PAWR: variants seen among roughly 807,000 people sequenced by gnomAD.
The protein encoded by PAWR is pro-apoptotic WT1 regulator, also known as PRKC apoptosis WT1 regulator protein.
In PAWR, 23 loss-of-function variants were observed where a neutral mutation model predicts 32.0. The ratio of observed to expected loss-of-function variants is 0.72; its 90% CI spans 0.52 to 1.02. The LOEUF (loss-of-function observed/expected upper bound fraction) is 1.02. PAWR is among the 50% of genes least tolerant of loss of function. The pLI is 0.00. For synonymous variants in PAWR, 226 were observed against 187.1 expected, an observed-to-expected ratio of 1.21 and a Z score of -1.70; for missense variants, 457 against 437.7, an observed-to-expected ratio of 1.04 and a Z score of -0.39.
chr12:79,655,286 C>A (rs1360171571), intron 2 of PAWR, among the ~76,000 whole-genome samples: 1 of 152,106 alleles, frequency 6.6e-6, no homozygotes, highest in Non-Finnish European at 1.5e-5. Context: ...ACCTGACAGC[C>A]CCAATTAGCT....
At chr12:79,614,074 C>T (rs1447899463) in intron 3 of PAWR, among the ~76,000 whole-genome samples, 1 of 128,126 alleles carries the variant, frequency 7.8e-6, no homozygotes, top group Admixed American at 8.4e-5. Context: ...GCAATGGTGT[C>T]ATCTGGGCTC....
At chr12:79,651,999 G>C (rs951103748) in intron 2 of PAWR, among the ~76,000 whole-genome samples, 4 of 152,132 alleles carry the variant, frequency 2.6e-5, no homozygotes, top group African/African-American at 9.7e-5. Context: ...CCATTCACAA[G>C]AGGACAAATA....
intron 2 of PAWR, among the ~76,000 whole-genome samples, chr12:79,642,424 C>T (rs922238622): frequency 6.6e-6 from 1 of 152,148 alleles, no homozygotes; most frequent in Admixed American, 6.5e-5. Flanking sequence ...TACCACAGAC[C>T]AGGTGGGTTA....
chr12:79,690,390 G>A lies in PAWR; in HGVS notation c.-146C>T, dbSNP rs1421601582. On this transcript the variant is annotated splice_region_variant and 5_prime_UTR_variant, in exon 2 of 7. Coordinates refer to ENST00000328827, the MANE Select transcript of PAWR (RefSeq NM_002583.4). ...CCGCCGCTCCCACAGCAGCCGGCGG[G>A]GCTGAGGTGAAAGACAAAAGGGGGC... is the stretch of plus-strand genomic sequence containing the variant. 3.0e-6 allele frequency: 4 copies of A among 1,343,238 alleles called. No individual in the cohort carries two copies. The highest frequency in any genetic ancestry group is 1.8e-5 in the South Asian group (1 of 55,190). The allele number at this position is 1,343,238 out of a possible 1,614,324, so 83.2% of individuals were successfully genotyped here.
At chr12:79,650,438 C>T (rs746909984) in intron 2 of PAWR, among the ~76,000 whole-genome samples, 1 of 152,024 alleles carries the variant, frequency 6.6e-6, no homozygotes, top group Non-Finnish European at 1.5e-5. Context: ...CTGTATATTG[C>T]CAAAGGACTG....
At chr12:79,609,983 T>C (rs1874363615) in intron 4 of PAWR, among the ~76,000 whole-genome samples, 1 of 152,104 alleles carries the variant, frequency 6.6e-6, no homozygotes, top group Non-Finnish European at 1.5e-5. Context: ...CCTGCCAGGG[T>C]CCAAAAGCGC....
At chr12:79,653,960 G>A (rs1004680634) in intron 2 of PAWR, among the ~76,000 whole-genome samples, 1 of 152,162 alleles carries the variant, frequency 6.6e-6, no homozygotes, top group Non-Finnish European at 1.5e-5. Flanking sequence ...TATTTGTACT[G>A]AAGTAAATCA....
chr12:79,665,058 AATATGAAAAAAC>A (rs910095448), intron 2 of PAWR, among the ~76,000 whole-genome samples: 61 of 152,320 alleles, frequency 4.0e-4, no homozygotes, highest in African/African-American at 1.4e-3. Context: ...TACCTCCAAT[AATATGAAAAAAC>A]AGATTATAAC....
intron 2 of PAWR, among the ~76,000 whole-genome samples, chr12:79,685,357 T>C (rs1408050927): frequency 6.6e-6 from 1 of 152,202 alleles, no homozygotes; most frequent in Admixed American, 6.5e-5. Flanking sequence ...ATAATGGGAA[T>C]AACAAAAGGC....
At position 79,596,588 on chromosome 12, in the gene PAWR, A is replaced by G. The variant is rs1565996131; in HGVS notation, c.754T>C (p.Tyr252His). 6.3e-7 allele frequency: 1 copy of G among 1,588,410 alleles called. No homozygotes were observed. The highest frequency in any genetic ancestry group is 8.6e-7 in the Non-Finnish European group (1 of 1,158,040). ...CCTGAAACATTTGCATCCCTGTTAT[A>G]TCTAGGGAACCCACTTCTATCTGTT... ...SRTDRSGFPR[Y>H]NRDANVSGTL... Residue 252 changes from tyrosine to histidine, a missense_variant, in exon 5 of 7, where the codon TAT becomes CAT. Transcript: ENST00000328827.
At position 79,689,928 on chromosome 12, in the gene PAWR, C is replaced by G; in HGVS notation, c.317G>C (p.Arg106Pro). Residue 106 changes from arginine (R) to proline (P), a missense_variant, in exon 2 of 7, where the codon CGG becomes CCG. By Grantham distance (103) the Arg-to-Pro change is moderately radical. Coordinates refer to ENST00000328827, the MANE Select transcript of PAWR (RefSeq NM_002583.4). ...GGCTGGGGGCTCGTCCTCCGACCGCCGCGGGCCGGGGGCCGCCCGCGTCAG... is the reference window on the plus strand; with the variant it reads ...GGCTGGGGGCTCGTCCTCCGACCGCGGCGGGCCGGGGGCCGCCCGCGTCAG... ...AMLTRAAPGPRRSEDEPPAAS... is the reference protein window; with the variant it reads ...AMLTRAAPGPPRSEDEPPAAS... 7.8e-6 allele frequency: 11 copies of G among 1,415,398 alleles called. No individual in the cohort carries two copies. The highest frequency in any genetic ancestry group is 1.0e-5 in the Non-Finnish European group (11 of 1,090,430). 87.7% of individuals were successfully genotyped at this position (1,415,398 alleles called of 1,614,324 possible). A position where few individuals can be genotyped will look rare whatever the true frequency, so the allele number is the denominator to read the frequency against.
At chr12:79,688,320 G>C (rs1416586629) in intron 2 of PAWR, 1 of 151,448 alleles carries the variant, frequency 6.6e-6, no homozygotes, top group Non-Finnish European at 1.5e-5. Flanking sequence ...CCCAAAATAA[G>C]ACCGCTGTCA....
intron 2 of PAWR, among the ~76,000 whole-genome samples, chr12:79,653,476 A>T (rs1391382859): frequency 6.6e-6 from 1 of 151,528 alleles, no homozygotes; most frequent in Non-Finnish European, 1.5e-5. Flanking sequence ...GAATGTTTGC[A>T]GTGTTTTGTT....
At chr12:79,602,780 T>C (rs555531472) in intron 4 of PAWR, among the ~76,000 whole-genome samples, 1 of 151,676 alleles carries the variant, frequency 6.6e-6, no homozygotes, top group East Asian at 1.9e-4. Flanking sequence ...ATTTTTTTTT[T>C]TTTTTTTTTG....
At chr12:79,627,776 C>T (rs1245517830) in intron 2 of PAWR, among the ~76,000 whole-genome samples, 2 of 152,132 alleles carry the variant, frequency 1.3e-5, no homozygotes, top group Admixed American at 1.3e-4. Context: ...AATATATATG[C>T]ACCCAATACA....
At chr12:79,652,474 C>G (rs773451908) in intron 2 of PAWR, among the ~76,000 whole-genome samples, 14 of 152,176 alleles carry the variant, frequency 9.2e-5, no homozygotes, top group Non-Finnish European at 1.6e-4. Context: ...ATACAAGTCA[C>G]TTTTAAAGCT....
At chr12:79,627,111 G>C (rs530011097) in intron 2 of PAWR, among the ~76,000 whole-genome samples, 1 of 152,054 alleles carries the variant, frequency 6.6e-6, no homozygotes, top group Admixed American at 6.5e-5. Flanking sequence ...ACCCAGTAAC[G>C]GCATGGCTGG....
chr12:79,665,136 G>T (rs1877542133), intron 2 of PAWR, among the ~76,000 whole-genome samples: 1 of 152,132 alleles, frequency 6.6e-6, no homozygotes, highest in Non-Finnish European at 1.5e-5. Context: ...CTACTCAGAA[G>T]ATTCCCAAAA....
At chr12:79,650,895 G>A (rs183457500) in intron 2 of PAWR, among the ~76,000 whole-genome samples, 55 of 152,208 alleles carry the variant, frequency 3.6e-4, no homozygotes, top group East Asian at 2.5e-3. Context: ...TTTATACTGC[G>A]TGCTTTCATT....
Sources: allele counts gnomAD v4.1 joint callset (sites outside exome capture counted in the v4.1 genomes callset), GRCh38; gene constraint gnomAD v4.1.1; transcripts MANE v1.5; gene names NCBI Gene and HGNC (gene_info 2026-07-23, HGNC 2026-07-21).